Variants in JMJD1C observed in about 807,000 individuals in gnomAD.
The protein encoded by JMJD1C is jumonji domain-containing protein 1C.
A neutral mutation model predicts 245.3 loss-of-function variants in JMJD1C; 31 were observed. That is an observed-to-expected ratio of 0.13 (90% confidence interval 0.09 to 0.17). The LOEUF (loss-of-function observed/expected upper bound fraction) is 0.17. Ranked by LOEUF, JMJD1C falls within the 10% of genes least tolerant of loss-of-function variation. The pLI, the probability that JMJD1C is intolerant of heterozygous loss-of-function variation, is 1.00. For missense variants in JMJD1C, 2,691 were observed against 3,000.2 expected (o/e 0.90, Z 2.41); for synonymous variants, 1,057 against 1,017.4 (o/e 1.04, Z -0.74).
chr10:63,267,461 T>C (rs180915087), intron 2 of JMJD1C, among the ~76,000 whole-genome samples: 13 of 152,236 alleles, frequency 8.5e-5, no homozygotes, highest in East Asian at 7.7e-4. Flanking sequence ...ATGATGAAAT[T>C]TGTAGTAAAT....
At chr10:63,291,423 T>C (rs1460535949) in intron 2 of JMJD1C, among the ~76,000 whole-genome samples, 1 of 150,748 alleles carries the variant, frequency 6.6e-6, no homozygotes, top group Non-Finnish European at 1.5e-5. Flanking sequence ...AAGACCATCC[T>C]GGCCAACATG....
In JMJD1C at chr10:63,183,521, A is replaced by T; in HGVS notation, c.7010T>A (p.Ile2337Asn). 2 of 1,607,104 alleles carry T rather than the reference A, an allele frequency of 1.2e-6. No homozygotes were observed. Among genetic ancestry groups the T allele is most frequent in the Non-Finnish European group, 1.7e-6 (2 of 1,175,556 alleles). Residue 2337 changes from isoleucine to asparagine, a missense_variant, in exon 22 of 26, where the codon ATT (isoleucine) becomes AAT (asparagine). By Grantham distance (149) the Ile-to-Asn change is moderately radical (BLOSUM62 -3). Coordinates refer to ENST00000399262, the MANE Select transcript of JMJD1C (RefSeq NM_032776.3). Reference protein sequence around the residue: ...DHDIGTTNLHIEVSDVVNILV... With the variant: ...DHDIGTTNLHNEVSDVVNILV... Reference sequence around the variant, plus strand: ...TATATTTACAACATCAGAAACTTCAATATGGAGATTTGTTGTTCCTATATC... The same window carrying T: ...TATATTTACAACATCAGAAACTTCATTATGGAGATTTGTTGTTCCTATATC...
chr10:63,212,293 A>T (rs1489749805), intron 8 of JMJD1C, among the ~76,000 whole-genome samples: 1 of 152,186 alleles, frequency 6.6e-6, no homozygotes, highest in African/African-American at 2.4e-5. Context: ...AAAATATTTA[A>T]GATGGCACAT....
At chr10:63,292,143 G>GGTTTTTTTTTTTTTTTTTT (rs1396774570) in intron 2 of JMJD1C, among the ~76,000 whole-genome samples, 1 of 13,516 alleles carries the variant, frequency 7.4e-5, no homozygotes, top group Non-Finnish European at 1.8e-4. Flanking sequence ...TGTAGAGACA[G>GGTTTTTTTTTTTTTTTTTT]ATTTTTTTTT....
chr10:63,428,999 G>A (rs1316341145), intron 1 of JMJD1C, among the ~76,000 whole-genome samples: 1 of 151,944 alleles, frequency 6.6e-6, no homozygotes, highest in Non-Finnish European at 1.5e-5. Flanking sequence ...GGGGGGAGGG[G>A]CACGGAATTT....
At chr10:63,307,382 T>C (rs943787128) in intron 2 of JMJD1C, among the ~76,000 whole-genome samples, 1 of 152,152 alleles carries the variant, frequency 6.6e-6, no homozygotes, top group Non-Finnish European at 1.5e-5. Flanking sequence ...TAGGTTTAGG[T>C]TTCCAGGTTA....
intron 21 of JMJD1C, 39 bp downstream of exon 21, chr10:63,184,569 T>C (rs1843894986): frequency 6.4e-7 from 1 of 1,554,800 alleles, no homozygotes; most frequent in Non-Finnish European, 8.7e-7. Context: ...AAAAATCCAA[T>C]ATAATTCCTA....
At chr10:63,415,681 A>G (rs1282893036) in intron 1 of JMJD1C, among the ~76,000 whole-genome samples, 1 of 152,238 alleles carries the variant, frequency 6.6e-6, no homozygotes, top group Non-Finnish European at 1.5e-5. Flanking sequence ...CATACAAAAC[A>G]GTTACAAAAC....
At position 63,183,487 on chromosome 10, in the gene JMJD1C, A is replaced by G. The variant is rs1015054928; in HGVS notation, c.7044T>C (p.Tyr2348=). Residue 2348 remains tyrosine (Y), a synonymous_variant, in exon 22 of 26, where the codon TAT becomes TAC. Coordinates refer to ENST00000399262, the MANE Select transcript of JMJD1C (RefSeq NM_032776.3). ...TGCCATTTCCTTTTGCTATGCCAAC[A>G]TAAACTAGTATATTTACAACATCAG... The part of the protein sequence containing the change: ...EVSDVVNILV[Y]VGIAKGNGIL... 1.2e-6 allele frequency: 2 copies of G among 1,607,334 alleles called. No homozygotes were observed. The highest frequency in any genetic ancestry group is 1.3e-5 in the African/African-American group (1 of 74,642).
At chr10:63,292,820 G>A (rs887292986) in intron 2 of JMJD1C, among the ~76,000 whole-genome samples, 3 of 151,968 alleles carry the variant, frequency 2.0e-5, no homozygotes, top group African/African-American at 4.8e-5. Flanking sequence ...TGAAGTGGGC[G>A]GATCGCCTGA....
At chr10:63,300,496 C>T (rs894696013) in intron 2 of JMJD1C, among the ~76,000 whole-genome samples, 1 of 152,158 alleles carries the variant, frequency 6.6e-6, no homozygotes, top group African/African-American at 2.4e-5. Context: ...TTCGAACCAT[C>T]TCCACTATAT....
intron 2 of JMJD1C, among the ~76,000 whole-genome samples, chr10:63,316,184 G>A (rs1023643296): frequency 1.3e-5 from 2 of 152,096 alleles, no homozygotes; most frequent in African/African-American, 4.8e-5. Flanking sequence ...AAGCAAACAC[G>A]CAAACAAAAA....
intron 2 of JMJD1C, among the ~76,000 whole-genome samples, chr10:63,351,476 A>C (rs1038287135): frequency 1.3e-5 from 2 of 152,198 alleles, no homozygotes; most frequent in Non-Finnish European, 2.9e-5. Flanking sequence ...TTTGAGGTCT[A>C]TTATAATTCC....
intron 1 of JMJD1C, among the ~76,000 whole-genome samples, chr10:63,457,641 G>C (rs1284928064): frequency 6.6e-6 from 1 of 152,048 alleles, no homozygotes; most frequent in African/African-American, 2.4e-5. Flanking sequence ...TAAACCATAG[G>C]GCTATAGAAA....
chr10:63,365,078 T>G (rs528835817), intron 2 of JMJD1C, among the ~76,000 whole-genome samples: 4 of 152,318 alleles, frequency 2.6e-5, no homozygotes, highest in Non-Finnish European at 5.9e-5. Flanking sequence ...CACAAGACCT[T>G]GGGATTTCCC....
intron 1 of JMJD1C, among the ~76,000 whole-genome samples, chr10:63,510,795 G>C (rs1458584248): frequency 6.6e-6 from 1 of 152,144 alleles, no homozygotes; most frequent in Non-Finnish European, 1.5e-5. Context: ...GTGTTAAAGT[G>C]TCCAATTATA....
intron 1 of JMJD1C, among the ~76,000 whole-genome samples, chr10:63,452,378 G>T (rs1383845810): frequency 6.6e-6 from 1 of 152,182 alleles, no homozygotes; most frequent in East Asian, 1.9e-4. Context: ...TTATCATAAT[G>T]AAATGCCATT....
chr10:63,470,516 C>G (rs1245909526), upstream of JMJD1C, among the ~76,000 whole-genome samples: 3 of 152,110 alleles, frequency 2.0e-5, no homozygotes, highest in Admixed American at 6.5e-5. Context: ...AGAACAGATA[C>G]AGAAGGAAGA....
At chr10:63,309,494 C>CAAAAAAAAAA in intron 2 of JMJD1C, among the ~76,000 whole-genome samples, 1 of 49,408 alleles carries the variant, frequency 2.0e-5, no homozygotes, top group Non-Finnish European at 3.4e-5. Flanking sequence ...GACTCCATCT[C>CAAAAAAAAAA]AAAAAAAAAA....
Sources: gnomAD v4.1 joint callset for allele counts (sites outside exome capture counted in the v4.1 genomes callset) on GRCh38, gnomAD v4.1.1 for gene constraint, MANE v1.5 for transcripts, NCBI Gene and HGNC (gene_info 2026-07-23, HGNC 2026-07-21) for gene names.